CROT: variants seen among roughly 807,000 people sequenced by gnomAD.
CROT encodes the protein peroxisomal carnitine O-octanoyltransferase.
In CROT, 84 loss-of-function variants were observed where a neutral mutation model predicts 89.2. The ratio of observed to expected loss-of-function variants is 0.94; its 90% CI spans 0.79 to 1.13. The LOEUF (loss-of-function observed/expected upper bound fraction) is 1.13, where lower values mean the gene tolerates loss of function less well. CROT is among the 50% of genes most tolerant of loss of function. The probability of loss-of-function intolerance (pLI) is 0.00; values close to 1 mark genes in which losing one functional copy is unlikely to be tolerated. For missense variants in CROT, 711 were observed against 727.8 expected, an observed-to-expected ratio of 0.98 and a Z score of 0.27; for synonymous variants, 212 against 239.5, an observed-to-expected ratio of 0.89 and a Z score of 1.06.
chr7:87,354,633 G>A (rs917372711), intron 3 of CROT, among the ~76,000 whole-genome samples: 5 of 151,672 alleles, frequency 3.3e-5, no homozygotes, highest in Non-Finnish European at 5.9e-5. Flanking sequence ...AAAAAAAGTT[G>A]ATGAGAAAGC....
chr7:87,356,608 C>T (rs1341195819), intron 3 of CROT, among the ~76,000 whole-genome samples: 1 of 152,130 alleles, frequency 6.6e-6, no homozygotes, highest in Non-Finnish European at 1.5e-5. Context: ...AGAATGATAA[C>T]AGGCTGAAGC....
At chr7:87,373,536 A>C (rs1307551407) in intron 7 of CROT, among the ~76,000 whole-genome samples, 1 of 152,108 alleles carries the variant, frequency 6.6e-6, no homozygotes, top group African/African-American at 2.4e-5. Context: ...TTATCTTTTA[A>C]GATCTTTTTA....
chr7:87,349,224 A>C (rs777583546), intron 3 of CROT, 41 bp downstream of exon 3: 15 of 959,308 alleles, frequency 1.6e-5, no homozygotes, highest in Non-Finnish European at 2.3e-5. Context: ...TATTATTAGT[A>C]ACTTAGAAAA....
intron 13 of CROT, among the ~76,000 whole-genome samples, chr7:87,388,390 AG>A (rs1807248772): frequency 6.6e-6 from 1 of 152,230 alleles, no homozygotes; most frequent in Non-Finnish European, 1.5e-5. Context: ...ACAAGGCTAC[AG>A]TAACCAAAAC....
intron 13 of CROT, among the ~76,000 whole-genome samples, chr7:87,389,967 GAT>G (rs1208052711): frequency 6.6e-6 from 1 of 152,024 alleles, no homozygotes; most frequent in Non-Finnish European, 1.5e-5. Context: ...GCATTTGATT[GAT>G]ATACCTTATA....
rs372806583 is a variant in CROT, at chr7:87,359,188, C to G, written c.116-18C>G. On this transcript the variant is annotated intron_variant, in intron 3 of 17. Coordinates refer to ENST00000331536, the MANE Select transcript of CROT (RefSeq NM_021151.4). ...GGTACTTGGTCTAAATACCTTAATA[C>G]GTATTTTTCCTTTCTAGTGAAACCA... The G allele has an allele frequency of 6.7e-7, 1 of 1,497,888 alleles. No homozygotes were observed. Among genetic ancestry groups the G allele is most frequent in the East Asian group, 2.3e-5 (1 of 44,094 alleles). The allele number at this position is 1,497,888 out of a possible 1,614,324, so 92.8% of individuals were successfully genotyped here.
Position 87,369,361 on chromosome 7 carries a change from T to A in CROT, c.548-15T>A. The A allele has an allele frequency of 1.3e-6, 2 of 1,572,230 alleles. No individual in the cohort carries two copies. Among genetic ancestry groups the A allele is most frequent in the South Asian group, 1.2e-5 (1 of 86,086 alleles). Reference sequence around the variant, plus strand: ...CCTTAGATTTGAGTCTTGTGTTTTCTGTTTCTGTTTCCAGAGAGTGAAGGG... The same window carrying A: ...CCTTAGATTTGAGTCTTGTGTTTTCAGTTTCTGTTTCCAGAGAGTGAAGGG... On this transcript the variant is annotated splice_polypyrimidine_tract_variant and intron_variant, in intron 6 of 17. Transcript: ENST00000331536.
At chr7:87,383,165 G>A (rs541627518) in intron 13 of CROT, among the ~76,000 whole-genome samples, 1 of 151,956 alleles carries the variant, frequency 6.6e-6, no homozygotes, top group East Asian at 1.9e-4. Context: ...ACAAATTATT[G>A]TTAACTATAG....
At chr7:87,379,413 A>G (rs1016649421) in intron 10 of CROT, among the ~76,000 whole-genome samples, 4 of 152,180 alleles carry the variant, frequency 2.6e-5, no homozygotes, top group Non-Finnish European at 5.9e-5. Context: ...TGGATGTTAT[A>G]TTGTTATATA....
chr7:87,372,017 A>C (rs1053998636), intron 7 of CROT, among the ~76,000 whole-genome samples: 8 of 151,360 alleles, frequency 5.3e-5, no homozygotes, highest in African/African-American at 9.7e-5. Flanking sequence ...CAAAAAAAAA[A>C]AAACAAAAAA....
At chr7:87,361,023 C>T (rs1326180812) in intron 4 of CROT, among the ~76,000 whole-genome samples, 1 of 152,070 alleles carries the variant, frequency 6.6e-6, no homozygotes, top group South Asian at 2.1e-4. Flanking sequence ...GGCTGGAGTG[C>T]AGTGGTGCAA....
chr7:87,351,183 C>A lies in CROT; in HGVS notation c.115+2000C>A, dbSNP rs7792928. Among the ~76,000 whole-genome samples the A allele has an allele frequency of 7.2e-3, 1,096 of 151,810 alleles. 11 individuals are homozygous for A. The highest frequency in any genetic ancestry group is 0.025 in the African/African-American group (1,028 of 41,370). ...AATTAGCCAGGCGTGGTGGCGGGCC[C>A]TTGTAGTCCCAGCTACTCAGGAGCC... On this transcript the variant is annotated intron_variant, in intron 3 of 17. Coordinates refer to ENST00000331536, the MANE Select transcript of CROT (RefSeq NM_021151.4).
At chr7:87,375,210 C>T (rs1584636693) in intron 7 of CROT, 1 of 157,552 alleles carries the variant, frequency 6.3e-6, no homozygotes. Flanking sequence ...ACAGTAAGTC[C>T]TCTGGTTAAA....
intron 4 of CROT, among the ~76,000 whole-genome samples, chr7:87,360,345 T>G (rs1284994902): frequency 2.0e-5 from 3 of 152,190 alleles, no homozygotes; most frequent in Non-Finnish European, 4.4e-5. Context: ...TTTGTTTTAT[T>G]TATTTATTTT....
chr7:87,352,983 AGCTT>A (rs1805923950), intron 3 of CROT, among the ~76,000 whole-genome samples: 1 of 152,206 alleles, frequency 6.6e-6, no homozygotes, highest in Non-Finnish European at 1.5e-5. Flanking sequence ...GATTAGCTTC[AGCTT>A]GCTATCAGAT....
intron 3 of CROT, among the ~76,000 whole-genome samples, chr7:87,358,273 C>T (rs892820137): frequency 4.6e-5 from 7 of 150,778 alleles, no homozygotes; most frequent in African/African-American, 7.3e-5. Context: ...GTCAGGAGAT[C>T]GAGACCATCC....
At chr7:87,351,386 G>A (rs1365153988) in intron 3 of CROT, among the ~76,000 whole-genome samples, 3 of 151,660 alleles carry the variant, frequency 2.0e-5, no homozygotes, top group Non-Finnish European at 4.4e-5. Flanking sequence ...GAATTGGAAT[G>A]GCTTAAATTA....
intron 7 of CROT, among the ~76,000 whole-genome samples, chr7:87,371,992 TCAAAAAAAAAAAAA>T (rs1262502920): frequency 1.8e-3 from 140 of 75,760 alleles, no homozygotes; most frequent in South Asian, 7.1e-3. Flanking sequence ...AGACGCTGTC[TCAAAAAAAAAAAAA>T]CAAAAAAAAA....
chr7:87,359,504 C>T (rs1337490245), intron 4 of CROT, 174 bp downstream of exon 4: 10 of 1,358,292 alleles, frequency 7.4e-6, no homozygotes, highest in South Asian at 5.0e-5. Context: ...TGGGTGGATT[C>T]GGGAACTTGT....
Sources: allele counts gnomAD v4.1 joint callset (sites outside exome capture counted in the v4.1 genomes callset), GRCh38; gene constraint gnomAD v4.1.1; transcripts MANE v1.5; gene names NCBI Gene and HGNC (gene_info 2026-07-23, HGNC 2026-07-21).